SPECC1: variants seen among roughly 807,000 people sequenced by gnomAD.
SPECC1 encodes sperm antigen with calponin homology and coiled-coil domains 1.
SPECC1 carries 62 observed loss-of-function variants against 104.1 expected under a neutral mutation model. The ratio of observed to expected loss-of-function variants is 0.60; its 90% CI spans 0.49 to 0.74. The LOEUF (loss-of-function observed/expected upper bound fraction) is 0.74. Ranked by LOEUF, SPECC1 falls within the 30% of genes least tolerant of loss-of-function variation. The pLI, the probability that SPECC1 is intolerant of heterozygous loss-of-function variation, is 0.00. For missense variants in SPECC1, 1,306 were observed against 1,310.5 expected (o/e 1.00, Z 0.05); for synonymous variants, 513 against 501.6 (o/e 1.02, Z -0.30).
chr17:20,054,713 GCTGGAGTA>G (rs1254693514), intron 1 of SPECC1, among the ~76,000 whole-genome samples: 1 of 151,822 alleles, frequency 6.6e-6, no homozygotes, highest in Non-Finnish European at 1.5e-5. Flanking sequence ...TGTCATCTGG[GCTGGAGTA>G]CAGTGGTGCA....
chr17:20,260,400 A>T lies in SPECC1; in HGVS notation c.2940+106A>T, dbSNP rs1250831440. Reference sequence around the variant, plus strand: ...TGCTTGATGGGCCAATATGCATGTAATTGTCATCTTTCTATTCTCCTAGGC... The same window carrying T: ...TGCTTGATGGGCCAATATGCATGTATTTGTCATCTTTCTATTCTCCTAGGC... On this transcript the variant is annotated intron_variant, in intron 12 of 14. Coordinates refer to ENST00000395527, the MANE Select transcript of SPECC1 (RefSeq NM_001243439.2). 3 of 901,448 alleles carry T rather than the reference A, an allele frequency of 3.3e-6. No individual in the cohort carries two copies. The Admixed American group carries it at 7.3e-5, about 22-fold the overall frequency. 55.8% of individuals were successfully genotyped at this position (901,448 alleles called of 1,614,324 possible).
intron 11 of SPECC1, among the ~76,000 whole-genome samples, chr17:20,258,998 C>T (rs1204218249): frequency 2.0e-5 from 3 of 152,224 alleles, no homozygotes; most frequent in Non-Finnish European, 4.4e-5. Flanking sequence ...ACACACATAG[C>T]ATTTCACTTA....
At chr17:20,280,264 G>A (rs996115616) in intron 12 of SPECC1, among the ~76,000 whole-genome samples, 10 of 152,144 alleles carry the variant, frequency 6.6e-5, no homozygotes, top group African/African-American at 2.2e-4. Context: ...CCACGTGACC[G>A]ACATTGTCTA....
At chr17:20,059,376 T>A (rs2046094226) in intron 1 of SPECC1, among the ~76,000 whole-genome samples, 1 of 152,108 alleles carries the variant, frequency 6.6e-6, no homozygotes, top group East Asian at 1.9e-4. Context: ...CCTATGAGAA[T>A]CTAATGACAT....
At chr17:20,269,161 CA>C (rs929378348) in intron 12 of SPECC1, among the ~76,000 whole-genome samples, 2 of 152,102 alleles carry the variant, frequency 1.3e-5, no homozygotes, top group African/African-American at 2.4e-5. Flanking sequence ...TGCCTCTGTG[CA>C]AAAAAGACTT....
At chr17:20,079,742 C>T (rs1244720769) in intron 1 of SPECC1, among the ~76,000 whole-genome samples, 1 of 152,078 alleles carries the variant, frequency 6.6e-6, no homozygotes, top group Non-Finnish European at 1.5e-5. Flanking sequence ...CCTCCAGGGA[C>T]CTACGCATGG....
chr17:20,219,766 G>A (rs373792974), intron 4 of SPECC1, among the ~76,000 whole-genome samples: 18 of 152,068 alleles, frequency 1.2e-4, no homozygotes, highest in South Asian at 6.2e-4. Context: ...TCAATGTCCT[G>A]GAGAGTTTCC....
chr17:20,224,889 A>C (rs768548086), intron 4 of SPECC1, among the ~76,000 whole-genome samples: 1 of 152,042 alleles, frequency 6.6e-6, no homozygotes, highest in Non-Finnish European at 1.5e-5. Context: ...TGGCCACCAC[A>C]GCTGGGAATG....
intron 14 of SPECC1, among the ~76,000 whole-genome samples, chr17:20,311,511 C>T (rs912986318): frequency 6.6e-6 from 1 of 152,090 alleles, no homozygotes; most frequent in Admixed American, 6.5e-5. Flanking sequence ...CTGTCTCAGC[C>T]TCCTGAGTAA....
At chr17:20,053,512 T>C (rs951181594) in intron 1 of SPECC1, among the ~76,000 whole-genome samples, 1 of 152,092 alleles carries the variant, frequency 6.6e-6, no homozygotes, top group Admixed American at 6.5e-5. Flanking sequence ...GTGTTAGGAG[T>C]AGGTCCATAG....
intron 9 of SPECC1, among the ~76,000 whole-genome samples, chr17:20,250,922 A>G (rs2039602409): frequency 2.0e-5 from 3 of 152,160 alleles, no homozygotes; most frequent in Admixed American, 6.5e-5. Flanking sequence ...CCACATTAAC[A>G]AAGGTATAAA....
intron 1 of SPECC1, among the ~76,000 whole-genome samples, chr17:20,078,644 T>G (rs562921948): frequency 6.6e-6 from 1 of 152,320 alleles, no homozygotes; most frequent in South Asian, 2.1e-4. Flanking sequence ...AAAGGTAAAA[T>G]ATGCATACCT....
intron 7 of SPECC1, among the ~76,000 whole-genome samples, chr17:20,232,890 T>C (rs2038685930): frequency 2.0e-5 from 3 of 152,140 alleles, no homozygotes; most frequent in African/African-American, 7.2e-5. Flanking sequence ...TCAAAAGGCC[T>C]TGACATAACC....
At chr17:20,237,207 A>C (rs934188961) in intron 7 of SPECC1, 3 of 1,273,310 alleles carry the variant, frequency 2.4e-6, no homozygotes, top group East Asian at 6.8e-5. Flanking sequence ...AGTTATTTGC[A>C]GCTGGAGTGC....
chr17:20,208,330 T>C (rs185694442), intron 4 of SPECC1, among the ~76,000 whole-genome samples: 1 of 152,356 alleles, frequency 6.6e-6, no homozygotes, highest in Non-Finnish European at 1.5e-5. Context: ...TGTGCTGTCT[T>C]ATGTGCACAG....
At chr17:20,059,916 T>C (rs1353687053) in intron 1 of SPECC1, among the ~76,000 whole-genome samples, 1 of 152,162 alleles carries the variant, frequency 6.6e-6, no homozygotes, top group Non-Finnish European at 1.5e-5. Flanking sequence ...ATTCATACCT[T>C]GCAAAGAGGT....
intron 3 of SPECC1, among the ~76,000 whole-genome samples, chr17:20,178,497 A>G (rs2034633740): frequency 6.6e-6 from 1 of 152,220 alleles, no homozygotes; most frequent in Non-Finnish European, 1.5e-5. Flanking sequence ...ATCAAGCTGA[A>G]CATTCACAAC....
At chr17:20,266,447 G>T (rs1249538189) in intron 12 of SPECC1, among the ~76,000 whole-genome samples, 1 of 152,224 alleles carries the variant, frequency 6.6e-6, no homozygotes, top group Non-Finnish European at 1.5e-5. Flanking sequence ...AGCCGGGCGT[G>T]GTGGCACGCA....
At chr17:20,173,567 T>G (rs2034244654) in intron 3 of SPECC1, among the ~76,000 whole-genome samples, 1 of 152,162 alleles carries the variant, frequency 6.6e-6, no homozygotes, top group South Asian at 2.1e-4. Flanking sequence ...ATCTCAACCA[T>G]AAAGGAATGG....
Sources: gnomAD v4.1 joint callset for allele counts (sites outside exome capture counted in the v4.1 genomes callset) on GRCh38, gnomAD v4.1.1 for gene constraint, MANE v1.5 for transcripts, NCBI Gene and HGNC (gene_info 2026-07-23, HGNC 2026-07-21) for gene names.